ELAVL3: variants seen among roughly 807,000 people sequenced by gnomAD.
ELAVL3 encodes the protein ELAV-like protein 3.
A neutral mutation model predicts 34.2 loss-of-function variants in ELAVL3; 8 were observed. That is an observed-to-expected ratio of 0.23 (90% CI 0.14 to 0.42). The LOEUF (loss-of-function observed/expected upper bound fraction) is 0.42. Ranked by LOEUF, ELAVL3 falls within the 10% of genes least tolerant of loss-of-function variation. ELAVL3 has a pLI of 1.00. For synonymous variants in ELAVL3, 209 were observed against 222.1 expected (o/e 0.94, Z 0.53); for missense variants, 273 against 518.8 (o/e 0.53, Z 4.60).
chr19:11,475,343 TC>T (rs1367181947), intron 1 of ELAVL3, among the ~76,000 whole-genome samples: 2 of 152,224 alleles, frequency 1.3e-5, no homozygotes, highest in Non-Finnish European at 2.9e-5. Context: ...CTGTTTTTCA[TC>T]ATTATGGCCA....
At chr19:11,457,972 A>C (rs1213110808) in intron 5 of ELAVL3, 89 bp downstream of exon 5, 20 of 1,416,112 alleles carry the variant, frequency 1.4e-5, no homozygotes, top group Non-Finnish European at 8.8e-6. Context: ...CCCTCCCGGC[A>C]TCCCTCCCTT....
chr19:11,480,453 C>T lies in ELAVL3; in HGVS notation c.9+147G>A, dbSNP rs1368206433. On this transcript the variant is annotated intron_variant, in intron 1 of 6. Transcript: ENST00000359227. The surrounding 1 kb of genome is among the most constrained non-coding windows in gnomAD (Gnocchi z 6.8). ...CTCTGGGCGCGGCCCTGCCCACTCT[C>T]AGGCCCCGAGGCTTGGTCCTACCCC... The T allele has an allele frequency of 9.7e-7, 1 of 1,032,082 alleles. No individual in the cohort carries two copies. Among genetic ancestry groups the T allele is most frequent in the African/African-American group, 1.7e-5 (1 of 59,106 alleles). 63.9% of individuals were successfully genotyped at this position (1,032,082 alleles called of 1,614,324 possible).
rs369701318 is a variant in ELAVL3 at position 11,461,725 on chromosome 19, A to G, written c.334-3114T>C. ...GCAATCCTCCCACCCTCGGCCTCCC[A>G]AAGTGCTGGGACTACAGGTGTGAGC... On this transcript the variant is annotated intron_variant, in intron 3 of 6. Coordinates refer to ENST00000359227, the MANE Select transcript of ELAVL3 (RefSeq NM_001420.4). 1.1e-4 allele frequency among the ~76,000 whole-genome samples: 17 copies of G among 152,090 alleles called. No homozygotes were observed. In the East Asian group the frequency reaches 2.1e-3, roughly 19 times the overall value.
chr19:11,463,192 G>T (rs1970927941), intron 3 of ELAVL3, among the ~76,000 whole-genome samples: 1 of 152,038 alleles, frequency 6.6e-6, no homozygotes, highest in South Asian at 2.1e-4. Flanking sequence ...CCATGACATG[G>T]GTTTCCCAAG....
chr19:11,470,753 A>T (rs935650131), intron 1 of ELAVL3, among the ~76,000 whole-genome samples: 1 of 152,226 alleles, frequency 6.6e-6, no homozygotes, highest in Non-Finnish European at 1.5e-5. Context: ...TGAGGCTTAA[A>T]GATGTTAAGG....
At chr19:11,463,058 G>A (rs1243391868) in intron 3 of ELAVL3, among the ~76,000 whole-genome samples, 1 of 152,116 alleles carries the variant, frequency 6.6e-6, no homozygotes, top group Non-Finnish European at 1.5e-5. Flanking sequence ...AGCTGTGAGG[G>A]TACTTGCTGA....
intron 1 of ELAVL3, among the ~76,000 whole-genome samples, chr19:11,470,008 A>G (rs1206484580): frequency 6.6e-6 from 1 of 152,018 alleles, no homozygotes; most frequent in Non-Finnish European, 1.5e-5. Flanking sequence ...AGTAAACCAT[A>G]ATCACACCAC....
intron 1 of ELAVL3, among the ~76,000 whole-genome samples, chr19:11,469,427 T>G (rs1043294667): frequency 1.3e-5 from 2 of 152,088 alleles, no homozygotes; most frequent in African/African-American, 4.8e-5. Context: ...AGTATAGGCA[T>G]GCGCCACCAT....
intron 3 of ELAVL3, among the ~76,000 whole-genome samples, chr19:11,462,916 C>G (rs1449427746): frequency 2.0e-5 from 3 of 148,766 alleles, no homozygotes; most frequent in Non-Finnish European, 3.0e-5. Context: ...GAGCCGAGAT[C>G]GCGCTACTGC....
At chr19:11,472,926 G>A (rs1971193626) in intron 1 of ELAVL3, among the ~76,000 whole-genome samples, 1 of 151,916 alleles carries the variant, frequency 6.6e-6, no homozygotes, top group Non-Finnish European at 1.5e-5. Flanking sequence ...AATTAGCCAG[G>A]TGGGGTGGTG....
intron 1 of ELAVL3, among the ~76,000 whole-genome samples, chr19:11,471,394 C>G (rs553651684): frequency 6.6e-6 from 1 of 150,474 alleles, no homozygotes; most frequent in African/African-American, 2.4e-5. Flanking sequence ...GCGGGTGGAT[C>G]ATGAGTTCAG....
chr19:11,457,958 C>A, intron 5 of ELAVL3, 103 bp downstream of exon 5: 1 of 1,266,278 alleles, frequency 7.9e-7, no homozygotes, highest in Non-Finnish European at 1.1e-6. Context: ...CCCATGTGTG[C>A]GCACCCTCCC....
chr19:11,476,667 G>C (rs577798446), intron 1 of ELAVL3, among the ~76,000 whole-genome samples: 35 of 152,308 alleles, frequency 2.3e-4, no homozygotes, highest in African/African-American at 7.9e-4. Context: ...GGGAGGCCTA[G>C]GCGGGAGGAT....
Position 11,480,561 on chromosome 19 carries a change from C to A in ELAVL3, c.9+39G>T. ...CCGCGGAGCCTGGGCCCAACTCCTC[C>A]CCGTCCCGATTCCCTTTCGGCGACA... On this transcript the variant is annotated intron_variant, in intron 1 of 6. Coordinates refer to ENST00000359227, the MANE Select transcript of ELAVL3 (RefSeq NM_001420.4). The surrounding 1 kb of genome is among the most constrained non-coding windows in gnomAD (Gnocchi z 6.8). 1 of 1,512,056 alleles carries A rather than the reference C, an allele frequency of 6.6e-7. No homozygotes were observed. The allele number at this position is 1,512,056 out of a possible 1,614,324, so 93.7% of individuals were successfully genotyped here. A position where few individuals can be genotyped will look rare whatever the true frequency, so the allele number is the denominator to read the frequency against.
chr19:11,478,455 G>A (rs911806352), intron 1 of ELAVL3, among the ~76,000 whole-genome samples: 1 of 152,182 alleles, frequency 6.6e-6, no homozygotes, highest in South Asian at 2.1e-4. Context: ...AGCCTGGGAT[G>A]GTGGCTACAT....
chr19:11,454,804 A>G lies in ELAVL3; in HGVS notation c.826T>C (p.Ser276Pro), dbSNP rs1568377442. Reference sequence around the variant, plus strand: ...CAGCCGGCGCCCGCCGCGCCCCCCGACAGGCCCACGCCCGCCAGGCCGCTC... The same window carrying G: ...CAGCCGGCGCCCGCCGCGCCCCCCGGCAGGCCCACGCCCGCCAGGCCGCTC... ...GMSGLAGVGL[S>P]GGAAGAGWCI... Residue 276 changes from serine (S) to proline (P), a missense_variant, in exon 7 of 7, where the codon TCG becomes CCG. Around this residue, in one of 4 missense-constraint regions of ELAVL3, gnomAD observed 79 missense variants for 108.2 expected, o/e 0.73. Transcript: ENST00000359227. The surrounding 1 kb of genome is among the most constrained non-coding windows in gnomAD (Gnocchi z 9.2). 1 of 1,612,284 alleles carries G rather than the reference A, an allele frequency of 6.2e-7. No individual in the cohort carries two copies.
chr19:11,458,401 C>T lies in ELAVL3; in HGVS notation c.487+57G>A. ...TTGGTCGGTTTCCCCACGTTGGTCC[C>T]ACCTGACTGCCTTTGCCCAGCGCCC... On this transcript the variant is annotated intron_variant, in intron 4 of 6. Coordinates refer to ENST00000359227, the MANE Select transcript of ELAVL3 (RefSeq NM_001420.4). This position sits in a 1 kb window ranked among gnomAD's most constrained non-coding sequence, Gnocchi z 7.3. The T allele has an allele frequency of 6.8e-6, 11 of 1,610,868 alleles. No homozygotes were observed. The highest frequency in any genetic ancestry group is 1.3e-5 in the African/African-American group (1 of 75,052).
intron 3 of ELAVL3, among the ~76,000 whole-genome samples, chr19:11,461,009 CAA>C (rs535847241): frequency 1.0e-4 from 9 of 89,824 alleles, no homozygotes; most frequent in Admixed American, 1.2e-4. Context: ...ACAACCTCTA[CAA>C]AAAAAAAAAA....
At chr19:11,467,820 C>T (rs1971086398) in intron 1 of ELAVL3, among the ~76,000 whole-genome samples, 1 of 144,016 alleles carries the variant, frequency 6.9e-6, no homozygotes, top group South Asian at 2.3e-4. Flanking sequence ...AAAAGGGTCT[C>T]GCTCTGTCAC....
Sources: gnomAD v4.1 joint callset for allele counts (sites outside exome capture counted in the v4.1 genomes callset) on GRCh38, gnomAD v4.1.1 for gene constraint, gnomAD v4.1.1 regional missense constraint, Gnocchi (gnomAD v3.1) non-coding constraint, MANE v1.5 for transcripts, NCBI Gene and HGNC (gene_info 2026-07-23, HGNC 2026-07-21) for gene names.